KRT74: variants seen among roughly 807,000 people sequenced by gnomAD.
KRT74 encodes the protein keratin, type II cytoskeletal 74.
Under a neutral mutation model 42.7 loss-of-function variants are expected in KRT74, and 43 were observed. That is an observed-to-expected ratio of 1.01 (90% CI 0.79 to 1.30). The LOEUF is 1.30. Ranked by LOEUF, KRT74 falls within the 50% of genes most tolerant of loss-of-function variation. The probability of loss-of-function intolerance (pLI) is 0.00; values close to 1 mark genes in which losing one functional copy is unlikely to be tolerated. For missense variants in KRT74, 736 were observed against 689.1 expected (o/e 1.07, Z -0.76); for synonymous variants, 302 against 279.0 (o/e 1.08, Z -0.82).
At position 52,573,433 on chromosome 12, in the gene KRT74, G is replaced by T. The variant is rs1939525204; in HGVS notation, c.345C>A (p.Val115=). Residue 115 remains valine, a synonymous_variant, in exon 1 of 9, where the codon GTC becomes GTA. Transcript: ENST00000305620. ...SVCPPGGIHQ[V]TVNKSLLAPL... ...GGGCCAAGAGGCTCTTGTTGACAGT[G>T]ACCTGGTGGATGCCCCCAGGTGGGC... is the stretch of plus-strand genomic sequence containing the variant. The T allele has an allele frequency of 1.2e-6, 2 of 1,613,402 alleles. No individual in the cohort carries two copies. Among genetic ancestry groups the T allele is most frequent in the Non-Finnish European group, 1.7e-6 (2 of 1,180,048 alleles).
chr12:52,570,707 T>G lies in KRT74; in HGVS notation c.970A>C (p.Lys324Gln), dbSNP rs1229892573. Residue 324 changes from lysine to glutamine, a missense_variant, in exon 5 of 9, where the codon AAG (lysine) becomes CAG (glutamine). Coordinates refer to ENST00000305620, the MANE Select transcript of KRT74 (RefSeq NM_175053.4). Reference sequence around the variant, plus strand: ...AGGGCCTCGGCCTCGGCCTTGCTCTTCAGGGCGATCTCCTCATAATGCATG... The same window carrying G: ...AGGGCCTCGGCCTCGGCCTTGCTCTGCAGGGCGATCTCCTCATAATGCATG... ...VRMHYEEIAL[K>Q]SKAEAEALYQ... 2.5e-6 allele frequency: 4 copies of G among 1,614,122 alleles called. No individual in the cohort carries two copies. In the African/African-American group the frequency reaches 5.3e-5, roughly 22 times the overall value.
chr12:52,570,618 C>A lies in KRT74; in HGVS notation c.1008+51G>T, dbSNP rs608690. 321,323 of 1,596,658 alleles carry A rather than the reference C, an allele frequency of 0.2. 33,452 individuals are homozygous for A. Among genetic ancestry groups the A allele is most frequent in the Admixed American group, 0.27 (16,024 of 59,850 alleles). On this transcript the variant is annotated intron_variant, in intron 5 of 8. Coordinates refer to ENST00000305620, the MANE Select transcript of KRT74 (RefSeq NM_175053.4). ...CCTCACATTCACTGTGCAGGTGACC[C>A]CTCCCAGGAAGCGAAGGGCTGCTGT...
chr12:52,568,028 A>G (rs979638930), intron 7 of KRT74, 141 bp downstream of exon 7: 125 of 985,624 alleles, frequency 1.3e-4, no homozygotes, highest in Non-Finnish European at 1.7e-4. Context: ...AACCCCTTGC[A>G]GGAAGCTGCC....
intron 3 of KRT74, 117 bp from the exon 4 acceptor site, chr12:52,571,571 C>T (rs1011784128): frequency 1.3e-6 from 1 of 770,444 alleles, no homozygotes; most frequent in South Asian, 1.4e-5. Flanking sequence ...GGAAAGCTCA[C>T]TCAATATCAA....
In KRT74 at chr12:52,573,418, G is replaced by C. The variant is rs1007143616; in HGVS notation, c.360C>G (p.Ser120Arg). ...GGIHQVTVNK[S>R]LLAPLNVELD... ...GCTCCACGTTGAGGGGGGCCAAGAG[G>C]CTCTTGTTGACAGTGACCTGGTGGA... is the stretch of plus-strand genomic sequence containing the variant. Residue 120 changes from serine to arginine, a missense_variant, in exon 1 of 9, where the codon AGC (serine) becomes AGG (arginine). Coordinates refer to ENST00000305620, the MANE Select transcript of KRT74 (RefSeq NM_175053.4). 2.5e-6 allele frequency: 4 copies of C among 1,614,064 alleles called. No homozygotes were observed. Among genetic ancestry groups the C allele is most frequent in the Non-Finnish European group, 3.4e-6 (4 of 1,180,048 alleles).
chr12:52,567,018 T>G lies in KRT74; in HGVS notation c.1541A>C (p.Gln514Pro). Reference protein sequence around the residue: ...EARGGDLKDTQGKSTPASIPA... With the variant: ...EARGGDLKDTPGKSTPASIPA... ...GATGCTGGCTGGGGTGCTCTTGCCC[T>G]GGGTGTCCTTGAGGTCTCCCCCTCG... Residue 514 changes from glutamine (Q) to proline (P), a missense_variant, in exon 9 of 9, where the codon CAG (glutamine) becomes CCG (proline). Coordinates refer to ENST00000305620, the MANE Select transcript of KRT74 (RefSeq NM_175053.4). 1 of 1,605,670 alleles carries G rather than the reference T, an allele frequency of 6.2e-7. No homozygotes were observed. The highest frequency in any genetic ancestry group is 8.5e-7 in the Non-Finnish European group (1 of 1,174,604).
chr12:52,565,985 G>GTCAGAAGCTA lies in KRT74; in HGVS notation c.*974_*983dup. On this transcript the variant is annotated 3_prime_UTR_variant, in exon 9 of 9. Transcript: ENST00000305620. ...CAGCTCATGGCACCAAAAATTGAGA[G>GTCAGAAGCTA]TCAGAAGCTATGTAGGACACAGCCC... The GTCAGAAGCTA allele has an allele frequency of 6.6e-6, 1 of 152,364 alleles. No individual in the cohort carries two copies. Among genetic ancestry groups the GTCAGAAGCTA allele is most frequent in the South Asian group, 2.1e-4 (1 of 4,818 alleles). 9.4% of individuals were successfully genotyped at this position (152,364 alleles called of 1,614,324 possible).
At position 52,573,759 on chromosome 12, in the gene KRT74, T is replaced by C. The variant is rs770216139; in HGVS notation, c.19A>G (p.Ile7Val). Residue 7 changes from isoleucine to valine, a missense_variant, in exon 1 of 9, where the codon ATC (isoleucine) becomes GTC (valine). Physicochemically the swap from Ile to Val is conservative, Grantham distance 29. Transcript: ENST00000305620. The stretch of plus-strand genomic sequence containing the variant: ...TTGCCCTTGTCACCACTGGACTTGA[T>C]GTTCAGTTGCCGACTCATGGTGGGA... MSRQLN[I>V]KSSGDKGNFS... 8 of 1,613,598 alleles carry C rather than the reference T, an allele frequency of 5.0e-6. No homozygotes were observed. In the South Asian group the frequency reaches 6.6e-5, roughly 13 times the overall value.
In KRT74 at chr12:52,568,256, C is replaced by T. The variant is rs139298074; in HGVS notation, c.1268G>A (p.Arg423His). 46 of 1,614,004 alleles carry T rather than the reference C, an allele frequency of 2.9e-5. No individual in the cohort carries two copies. Among genetic ancestry groups the T allele is most frequent in the Middle Eastern group, 1.6e-4 (1 of 6,084 alleles). Residue 423 changes from arginine (R) to histidine (H), a missense_variant, in exon 7 of 9, where the codon CGC (arginine) becomes CAC (histidine). By Grantham distance (29) the Arg-to-His change is conservative (BLOSUM62 0). Coordinates refer to ENST00000305620, the MANE Select transcript of KRT74 (RefSeq NM_175053.4). ...CAGGCTCATGAGCTCCTGGTACTCGCGCAGCATCCGCGCCAGCTCCTCCTT... is the reference window on the plus strand; with the variant it reads ...CAGGCTCATGAGCTCCTGGTACTCGTGCAGCATCCGCGCCAGCTCCTCCTT... ...QAKEELARML[R>H]EYQELMSLKL... is the part of the protein sequence containing the mutation.
intron 6 of KRT74, among the ~76,000 whole-genome samples, chr12:52,568,848 C>G (rs947980706): frequency 1.6e-4 from 25 of 152,230 alleles, no homozygotes; most frequent in Admixed American, 1.6e-3. Context: ...TTTCTGGACT[C>G]CAGCACTCTG....
At chr12:52,568,592 G>A (rs1939421407) in intron 6 of KRT74, 1 of 638,420 alleles carries the variant, frequency 1.6e-6, no homozygotes, top group Non-Finnish European at 2.7e-6. Flanking sequence ...AGCTGTGGAA[G>A]CAGTTGCATT....
rs1385070152 is a variant in KRT74, at chr12:52,573,442, G to T, written c.336C>A (p.Ile112=). ...ACLSVCPPGG[I]HQVTVNKSLL... is the part of the protein sequence containing the mutation. ...GGCTCTTGTTGACAGTGACCTGGTG[G>T]ATGCCCCCAGGTGGGCACACAGACA... is the stretch of plus-strand genomic sequence containing the variant. The change falls in exon 1 of 9, where the codon ATC becomes ATA. Residue 112 remains isoleucine, a synonymous_variant. Coordinates refer to ENST00000305620, the MANE Select transcript of KRT74 (RefSeq NM_175053.4). 2 of 1,614,198 alleles carry T rather than the reference G, an allele frequency of 1.2e-6. No homozygotes were observed. Among genetic ancestry groups the T allele is most frequent in the South Asian group, 2.2e-5 (2 of 91,084 alleles).
rs1045480963 is a variant in KRT74 at position 52,570,552 on chromosome 12, G to T, written c.1008+117C>A. On this transcript the variant is annotated intron_variant, in intron 5 of 8. Transcript: ENST00000305620. ...AATTCCTTTTTTCCTTGAAGCCTTG[G>T]TTGGAACCTTTCTTTCATTCAGCAT... The T allele has an allele frequency of 6.9e-5, 79 of 1,136,770 alleles. No individual in the cohort carries two copies. In the East Asian group the frequency reaches 1.9e-3, roughly 28 times the overall value. The allele number at this position is 1,136,770 out of a possible 1,614,324, so 70.4% of individuals were successfully genotyped here. A position where few individuals can be genotyped will look rare whatever the true frequency, so the allele number is the denominator to read the frequency against.
intron 5 of KRT74, 73 bp from the exon 6 acceptor site, chr12:52,570,057 C>G: frequency 6.5e-7 from 1 of 1,540,704 alleles, no homozygotes; most frequent in Non-Finnish European, 8.9e-7. Context: ...TAAGCCACCC[C>G]TGCCACCCTG....
chr12:52,571,648 G>A (rs79531450), intron 3 of KRT74, among the ~76,000 whole-genome samples, 194 bp from the exon 4 acceptor site: 3 of 152,302 alleles, frequency 2.0e-5, no homozygotes, highest in African/African-American at 4.8e-5. Flanking sequence ...TGTTATGCCT[G>A]GAGAAAACAA....
Position 52,571,981 on chromosome 12 carries a change from C to T in KRT74, c.710G>A (p.Arg237His), listed in dbSNP as rs761216003. The change falls in exon 3 of 9, where the codon CGC (arginine) becomes CAC (histidine). Residue 237 changes from arginine to histidine, a missense_variant. Coordinates refer to ENST00000305620, the MANE Select transcript of KRT74 (RefSeq NM_175053.4). The stretch of plus-strand genomic sequence containing the variant: ...CACAAACTCATTCTCTGCTGTCGTG[C>T]GCCGGTTAATCTCCACTTCATATCT... ...KKRYEVEINR[R>H]TTAENEFVVL... 29 of 1,598,336 alleles carry T rather than the reference C, an allele frequency of 1.8e-5. No homozygotes were observed. Among genetic ancestry groups the T allele is most frequent in the Middle Eastern group, 3.3e-4 (2 of 6,068 alleles).
Position 52,569,841 on chromosome 12 carries a change from T to A in KRT74, c.1134+18A>T, listed in dbSNP as rs73107555. On this transcript the variant is annotated intron_variant, in intron 6 of 8. Transcript: ENST00000305620. ...CCTGCTGTGGAGACCGGGAGTTCTT[T>A]GTGGGGCTGCTGCCCACCTGCTTCT... is the stretch of plus-strand genomic sequence containing the variant. 4.5e-5 allele frequency: 72 copies of A among 1,614,124 alleles called. No homozygotes were observed. Among genetic ancestry groups the A allele is most frequent in the Non-Finnish European group, 5.9e-5 (70 of 1,180,024 alleles).
chr12:52,570,073 C>T (rs568323499), intron 5 of KRT74, 89 bp from the exon 6 acceptor site: 26 of 1,475,818 alleles, frequency 1.8e-5, no homozygotes, highest in African/African-American at 2.8e-5. Flanking sequence ...CCCTGGCTGT[C>T]GGTGGGATTT....
Position 52,572,500 on chromosome 12 carries a change from G to A in KRT74, c.639C>T (p.Asp213=). 1 of 1,614,140 alleles carries A rather than the reference G, an allele frequency of 6.2e-7. No homozygotes were observed. Among genetic ancestry groups the A allele is most frequent in the Non-Finnish European group, 8.5e-7 (1 of 1,180,032 alleles). ...ETLSGDRVRL[D]SELRSMRDLV... The stretch of plus-strand genomic sequence containing the variant: ...GATCCCTCATGCTTCTCAGCTCCGA[G>A]TCCAGCCTCACCCTGTCCCCAGACA... The change falls in exon 2 of 9, where the codon GAC becomes GAT. Residue 213 remains aspartate, a synonymous_variant. Transcript: ENST00000305620.
Sources: allele counts gnomAD v4.1 joint callset (sites outside exome capture counted in the v4.1 genomes callset), GRCh38; gene constraint gnomAD v4.1.1; transcripts MANE v1.5; gene names NCBI Gene and HGNC (gene_info 2026-07-23, HGNC 2026-07-21).